Variants in ARMC2 observed in about 807,000 individuals in gnomAD.
The protein encoded by ARMC2 is armadillo repeat containing 2.
In ARMC2, 67 loss-of-function variants were observed where a neutral mutation model predicts 90.3. That is an observed-to-expected ratio of 0.74 (90% CI 0.61 to 0.91). The LOEUF (loss-of-function observed/expected upper bound fraction) is 0.91. Among genes scored for constraint, ARMC2 ranks in the 40% least tolerant of loss-of-function variants. The pLI, the probability that ARMC2 is intolerant of heterozygous loss-of-function variation, is 0.00. For missense variants in ARMC2, 920 were observed against 1,030.9 expected (o/e 0.89, Z 1.47); for synonymous variants, 393 against 393.0 (o/e 1.00, Z 0.00).
At position 108,864,676 on chromosome 6, in the gene ARMC2, T is replaced by G. The variant is rs80350489; in HGVS notation, c.292-4148T>G. Among the ~76,000 whole-genome samples the G allele has an allele frequency of 4.1e-3, 622 of 152,332 alleles. 2 individuals carry two copies. Among genetic ancestry groups the G allele is most frequent in the African/African-American group, 0.014 (583 of 41,572 alleles). Reference sequence around the variant, plus strand: ...AGCACCTTTCTGGGGTGAGATGTCCTGAACTCCCTTTTCCAGTTGTCACAT... The same window carrying G: ...AGCACCTTTCTGGGGTGAGATGTCCGGAACTCCCTTTTCCAGTTGTCACAT... On this transcript the variant is annotated intron_variant, in intron 3 of 17. Coordinates refer to ENST00000392644, the MANE Select transcript of ARMC2 (RefSeq NM_032131.6).
chr6:108,890,451 G>A (rs908509554), intron 5 of ARMC2, among the ~76,000 whole-genome samples: 3 of 152,156 alleles, frequency 2.0e-5, no homozygotes, highest in African/African-American at 4.8e-5. Flanking sequence ...CAGGCTCAGC[G>A]CAGTGGCTCA....
Position 108,920,468 on chromosome 6 carries a change from G to C in ARMC2, c.1351-7620G>C, listed in dbSNP as rs1257640107. On this transcript the variant is annotated intron_variant, in intron 10 of 17. Transcript: ENST00000392644. Reference sequence around the variant, plus strand: ...ACTCACGTGCCCAGTTGCCACGAGAGAGTAGGCATTTGGGGCCCAGGTTCT... The same window carrying C: ...ACTCACGTGCCCAGTTGCCACGAGACAGTAGGCATTTGGGGCCCAGGTTCT... 2.0e-5 allele frequency among the ~76,000 whole-genome samples: 3 copies of C among 152,178 alleles called. 1 individual carries two copies. The South Asian group carries it at 6.2e-4, about 32-fold the overall frequency.
intron 6 of ARMC2, among the ~76,000 whole-genome samples, chr6:108,899,162 A>C (rs932563511): frequency 2.0e-5 from 3 of 152,146 alleles, no homozygotes. Flanking sequence ...TTGGGATTTG[A>C]ATTGAGATTT....
At chr6:108,936,778 T>C (rs1775991102) in intron 11 of ARMC2, 122 bp from the exon 12 acceptor site, 1 of 781,880 alleles carries the variant, frequency 1.3e-6, no homozygotes, top group African/African-American at 1.7e-5. Flanking sequence ...AGAGTATTTT[T>C]AGACTCCTTT....
At chr6:109,037,531 AATTACAGAATT>A in the ARMC2 span, among the ~76,000 whole-genome samples, 1 of 152,344 alleles carries the variant, frequency 6.6e-6, no homozygotes, top group South Asian at 2.1e-4. Context: ...GTGATGTAAT[AATTACAGAATT>A]TCAGAGCTAA....
chr6:108,986,064 G>GTAAC, the ARMC2 span, among the ~76,000 whole-genome samples: 6 of 150,800 alleles, frequency 4.0e-5, no homozygotes, highest in East Asian at 1.2e-3. Context: ...GTTTTGAGGA[G>GTAAC]TAACTAACAG....
At chr6:108,984,043 G>A in the ARMC2 span, among the ~76,000 whole-genome samples, 3 of 152,146 alleles carry the variant, frequency 2.0e-5, no homozygotes, top group South Asian at 2.1e-4. Context: ...TTTCATAGGA[G>A]CTTGACCCTA....
intron 3 of ARMC2, among the ~76,000 whole-genome samples, chr6:108,861,726 C>T (rs1775263216): frequency 6.6e-6 from 1 of 152,158 alleles, no homozygotes. Context: ...CCAGCTACAG[C>T]CTGAGGACCC....
At chr6:108,980,414 G>GAAGT in the ARMC2 span, among the ~76,000 whole-genome samples, 9 of 151,566 alleles carry the variant, frequency 5.9e-5, no homozygotes, top group Non-Finnish European at 1.2e-4. Context: ...TCTCCCGTAT[G>GAAGT]AAGTATCTGT....
chr6:109,042,335 A>C, the ARMC2 span, among the ~76,000 whole-genome samples: 1 of 152,004 alleles, frequency 6.6e-6, no homozygotes, highest in Non-Finnish European at 1.5e-5. Flanking sequence ...TCAAGCAGAC[A>C]GAAGAAAATA....
At chr6:109,014,257 G>A in the ARMC2 span, among the ~76,000 whole-genome samples, 3,868 of 152,048 alleles carry the variant, frequency 0.025, 163 homozygotes, top group African/African-American at 0.088. Context: ...GTTAAATAAC[G>A]GTCAGGTTTT....
rs540824142 is a variant in ARMC2 at position 108,922,167 on chromosome 6, C to T, written c.1351-5921C>T. ...AGTGTGTGTGGAGGTTGCCCCACCTCGCACCCACCCACTGCAGTAGAGAAC... is the reference window on the plus strand; with the variant it reads ...AGTGTGTGTGGAGGTTGCCCCACCTTGCACCCACCCACTGCAGTAGAGAAC... On this transcript the variant is annotated intron_variant, in intron 10 of 17. Coordinates refer to ENST00000392644, the MANE Select transcript of ARMC2 (RefSeq NM_032131.6). Among the ~76,000 whole-genome samples, 7 of 152,312 alleles carry T rather than the reference C, an allele frequency of 4.6e-5. No individual in the cohort carries two copies. In the East Asian group the frequency reaches 1.2e-3, roughly 25 times the overall value.
Position 108,876,330 on chromosome 6 carries a change from A to G in ARMC2, c.651A>G (p.Pro217=), listed in dbSNP as rs1363435896. 6.2e-7 allele frequency: 1 copy of G among 1,611,882 alleles called. No homozygotes were observed. Among genetic ancestry groups the G allele is most frequent in the Non-Finnish European group, 8.5e-7 (1 of 1,179,232 alleles). ...TGTTCAAAGGAACAACATCTTTACCATCTCATCTCAAGAATGGAGGGTCAG... is the reference window on the plus strand; with the variant it reads ...TGTTCAAAGGAACAACATCTTTACCGTCTCATCTCAAGAATGGAGGGTCAG... ...QEMFKGTTSL[P]SHLKNGGDQG... Residue 217 remains proline, a synonymous_variant, in exon 5 of 18, where the codon CCA becomes CCG. Transcript: ENST00000392644.
At chr6:109,044,774 A>C in the ARMC2 span, among the ~76,000 whole-genome samples, 1 of 152,202 alleles carries the variant, frequency 6.6e-6, no homozygotes, top group African/African-American at 2.4e-5. Flanking sequence ...CTGTAATCCC[A>C]GCACTTTGGG....
intron 8 of ARMC2, among the ~76,000 whole-genome samples, chr6:108,905,817 A>G (rs1772626415): frequency 6.6e-6 from 1 of 152,192 alleles, no homozygotes; most frequent in African/African-American, 2.4e-5. Context: ...GCTAAACTCC[A>G]GAGTGCAGAG....
At chr6:109,029,590 G>T in the ARMC2 span, among the ~76,000 whole-genome samples, 1,200 of 152,278 alleles carry the variant, frequency 7.9e-3, 21 homozygotes, top group African/African-American at 0.028. Context: ...AGGCTGGAGT[G>T]CAGTGGCACA....
the ARMC2 span, among the ~76,000 whole-genome samples, chr6:109,027,045 C>T: frequency 6.6e-6 from 1 of 152,046 alleles, no homozygotes; most frequent in African/African-American, 2.4e-5. Context: ...CACCACATAC[C>T]TATAATCCCA....
In ARMC2 at chr6:108,894,805, C is replaced by T. The variant is rs1425538619; in HGVS notation, c.748+262C>T. Among the ~76,000 whole-genome samples, 4 of 114,588 alleles carry T rather than the reference C, an allele frequency of 3.5e-5. No individual in the cohort carries two copies. In the Admixed American group the frequency reaches 3.9e-4, roughly 11 times the overall value. The allele number at this position is 114,588 out of a possible 152,430, so 75.2% of individuals were successfully genotyped here. A position where few individuals can be genotyped will look rare whatever the true frequency, so the allele number is the denominator to read the frequency against. On this transcript the variant is annotated intron_variant, in intron 6 of 17. Transcript: ENST00000392644. ...TTTTTGAGATGGAGTCTTGCTCTGT[C>T]GCCCAGGCTGGAGTGCAGTGGTGCA...
chr6:109,041,936 T>A, the ARMC2 span, among the ~76,000 whole-genome samples: 1 of 152,074 alleles, frequency 6.6e-6, no homozygotes, highest in Non-Finnish European at 1.5e-5. Flanking sequence ...CAAAACAGAA[T>A]ACATCATGGC....
Sources: allele counts gnomAD v4.1 joint callset (sites outside exome capture counted in the v4.1 genomes callset), GRCh38; gene constraint gnomAD v4.1.1; transcripts MANE v1.5; gene names NCBI Gene and HGNC (gene_info 2026-07-23, HGNC 2026-07-21).